The following MRI1 variants were observed in gnomAD, a reference collection of about 807,000 sequenced individuals.
The protein encoded by MRI1 is methylthioribose-1-phosphate isomerase 1.
A neutral mutation model predicts 27.3 loss-of-function variants in MRI1; 32 were observed. That is an observed-to-expected ratio of 1.17 (90% confidence interval 0.88 to 1.57). The LOEUF (loss-of-function observed/expected upper bound fraction) is 1.57, where lower values mean the gene tolerates loss of function less well. MRI1 is among the 40% of genes most tolerant of loss of function. The pLI is 0.00. For missense variants in MRI1, 508 were observed against 516.1 expected (o/e 0.98, Z 0.15); for synonymous variants, 216 against 227.4 (o/e 0.95, Z 0.45).
intron 5 of MRI1, 84 bp downstream of exon 5, chr19:13,769,132 C>T: frequency 3.5e-6 from 4 of 1,151,954 alleles, no homozygotes; most frequent in Non-Finnish European, 5.0e-6. Context: ...TGTCATCCTT[C>T]TGGAACATAC....
At chr19:13,765,778 CTT>C (rs1225177007) in intron 2 of MRI1, among the ~76,000 whole-genome samples, 174 bp from the exon 3 acceptor site, 2 of 152,226 alleles carry the variant, frequency 1.3e-5, no homozygotes, top group African/African-American at 4.8e-5. Context: ...GTAAACATGT[CTT>C]TGCATGAATG....
At position 13,769,008 on chromosome 19, in the gene MRI1, G is replaced by A. The variant is rs747027048; in HGVS notation, c.909G>A (p.Gln303=). 4 of 1,613,696 alleles carry A rather than the reference G, an allele frequency of 2.5e-6. No homozygotes were observed. Among genetic ancestry groups the A allele is most frequent in the South Asian group, 1.1e-5 (1 of 91,016 alleles). Residue 303 remains glutamine (Q), a synonymous_variant, in exon 5 of 6, where the codon CAG becomes CAA. Transcript: ENST00000040663. ...TCATTATTGAAGAGCGACCGGGCCA[G>A]GAGCTGACCGATGTTAATGGGGTCC... ...KEIIIEERPG[Q]ELTDVNGVRI...
chr19:13,770,344 G>A (rs1974243502), intron 5 of MRI1, among the ~76,000 whole-genome samples: 1 of 152,166 alleles, frequency 6.6e-6, no homozygotes, highest in Non-Finnish European at 1.5e-5. Context: ...CAACACTTTG[G>A]GAGGCGGAGG....
Position 13,765,004 on chromosome 19 carries a change from C to A in MRI1, c.266C>A (p.Ala89Asp). Residue 89 changes from alanine to aspartate, a missense_variant, in exon 2 of 6, where the codon GCC becomes GAC. By Grantham distance (126) the Ala-to-Asp change is moderately radical. Coordinates refer to ENST00000040663, the MANE Select transcript of MRI1 (RefSeq NM_001031727.4). The part of the protein sequence containing the change: ...VRDKLSFLVT[A>D]RPTAVNMARA... Reference sequence around the variant, plus strand: ...GACAAGCTGAGCTTCCTCGTCACCGCCCGGCCCACCGCTGTCAACATGGCC... The same window carrying A: ...GACAAGCTGAGCTTCCTCGTCACCGACCGGCCCACCGCTGTCAACATGGCC... 6.6e-7 allele frequency: 1 copy of A among 1,523,806 alleles called. No individual in the cohort carries two copies. The highest frequency in any genetic ancestry group is 8.8e-7 in the Non-Finnish European group (1 of 1,141,186). 94.4% of individuals were successfully genotyped at this position (1,523,806 alleles called of 1,614,324 possible).
intron 3 of MRI1, among the ~76,000 whole-genome samples, chr19:13,767,027 ATATATATATATTTTTTTTTTTTTTTTT>A (rs1285162061): frequency 1.2e-3 from 21 of 17,558 alleles, no homozygotes; most frequent in Non-Finnish European, 2.3e-3. Context: ...ATATATATAT[ATATATATATATTTTTTTTTTTTTTTTT>A]TTTTTTTTTT....
intron 3 of MRI1, among the ~76,000 whole-genome samples, chr19:13,767,051 T>A (rs1262127912): frequency 8.7e-4 from 56 of 64,576 alleles, no homozygotes; most frequent in African/African-American, 1.8e-3. Flanking sequence ...TTTTTTTTTT[T>A]TTTTTTTTTT....
Position 13,769,454 on chromosome 19 carries a change from G to A in MRI1, c.949+406G>A, listed in dbSNP as rs532812230. Reference sequence around the variant, plus strand: ...GCTAGGATTACAGGTGTGAGCCACAGCACGCCTGGCCCAAGCCACTTCTTC... The same window carrying A: ...GCTAGGATTACAGGTGTGAGCCACAACACGCCTGGCCCAAGCCACTTCTTC... On this transcript the variant is annotated intron_variant, in intron 5 of 5. Coordinates refer to ENST00000040663, the MANE Select transcript of MRI1 (RefSeq NM_001031727.4). 2.6e-5 allele frequency among the ~76,000 whole-genome samples: 4 copies of A among 152,042 alleles called. No individual in the cohort carries two copies. The East Asian group carries it at 5.8e-4, about 22-fold the overall frequency.
rs71170559 is a variant in MRI1, at chr19:13,764,725, A to AGCGGGGCGGCGGGGCGGCGGGGCG, written c.132+64_133-64dup. ...GAGGCCATCCGCGCCATGAAGGTGC[A>AGCGGGGCGGCGGGGCGGCGGGGCG]GCGGGGCGGCGGGGCGGCGGGGCGG... On this transcript the variant is annotated splice_donor_region_variant and intron_variant, in intron 1 of 5. Coordinates refer to ENST00000040663, the MANE Select transcript of MRI1 (RefSeq NM_001031727.4). 4 of 1,231,868 alleles carry AGCGGGGCGGCGGGGCGGCGGGGCG rather than the reference A, an allele frequency of 3.2e-6. No individual in the cohort carries two copies. Among genetic ancestry groups the AGCGGGGCGGCGGGGCGGCGGGGCG allele is most frequent in the Non-Finnish European group, 4.1e-6 (4 of 977,794 alleles). 76.3% of individuals were successfully genotyped at this position (1,231,868 alleles called of 1,614,324 possible). A position where few individuals can be genotyped will look rare whatever the true frequency, so the allele number is the denominator to read the frequency against.
chr19:13,770,702 G>A (rs1974251208), intron 5 of MRI1, among the ~76,000 whole-genome samples: 1 of 151,260 alleles, frequency 6.6e-6, no homozygotes, highest in African/African-American at 2.4e-5. Context: ...TGACCAACAT[G>A]GAGAAACCCT....
In MRI1 at chr19:13,765,152, T is replaced by C. The variant is rs371530153; in HGVS notation, c.371+43T>C. On this transcript the variant is annotated intron_variant, in intron 2 of 5. Transcript: ENST00000040663. ...CAGGCACGGCGCTGAGCAGGAATTATATTGACTCTTTTTAAGTACAGTGAC... is the reference window on the plus strand; with the variant it reads ...CAGGCACGGCGCTGAGCAGGAATTACATTGACTCTTTTTAAGTACAGTGAC... 15 of 1,426,532 alleles carry C rather than the reference T, an allele frequency of 1.1e-5. No homozygotes were observed. In the African/African-American group the frequency reaches 1.5e-4, roughly 14 times the overall value. The allele number at this position is 1,426,532 out of a possible 1,614,324, so 88.4% of individuals were successfully genotyped here. A position where few individuals can be genotyped will look rare whatever the true frequency, so the allele number is the denominator to read the frequency against.
chr19:13,768,782 G>A (rs755520227), intron 4 of MRI1, 42 bp from the exon 5 acceptor site: 1 of 1,592,938 alleles, frequency 6.3e-7, no homozygotes, highest in Non-Finnish European at 8.6e-7. Context: ...GGAGCATGGG[G>A]CCAGGTAATG....
At chr19:13,767,027 ATATATATATATTTTTTTTTTTT>A (rs1201045022) in intron 3 of MRI1, among the ~76,000 whole-genome samples, 257 of 17,494 alleles carry the variant, frequency 0.015, no homozygotes, top group African/African-American at 0.051. Flanking sequence ...ATATATATAT[ATATATATATATTTTTTTTTTTT>A]TTTTTTTTTT....
At position 13,764,548 on chromosome 19, in the gene MRI1, C is replaced by A. The variant is rs762391712; in HGVS notation, c.-41C>A. ...CCCCGCTCCCAAGTGCGCGCGGACC[C>A]CTAGCTCCCTCTGAGTTGCGCTGGG... On this transcript the variant is annotated 5_prime_UTR_variant, in exon 1 of 6. Transcript: ENST00000040663. The A allele has an allele frequency of 6.3e-7, 1 of 1,595,350 alleles. No individual in the cohort carries two copies. Among genetic ancestry groups the A allele is most frequent in the African/African-American group, 1.3e-5 (1 of 74,512 alleles).
rs147924371 is a variant in MRI1, at chr19:13,768,738, G to A, written c.724+1G>A. On this transcript the variant is annotated splice_donor_variant, in intron 4 of 5. Transcript: ENST00000040663. LOFTEE classifies it high-confidence loss of function. ...GCCATGGCCCATAGGGGCGTGTCAG[G>A]TAAGCAGACGGTAAGCCCTGGGGGC... 2.5e-6 allele frequency: 4 copies of A among 1,611,520 alleles called. No individual in the cohort carries two copies. The highest frequency in any genetic ancestry group is 1.3e-5 in the African/African-American group (1 of 74,892).
chr19:13,766,115 A>G lies in MRI1; in HGVS notation c.533A>G (p.Tyr178Cys), dbSNP rs768798274. 17 of 1,596,084 alleles carry G rather than the reference A, an allele frequency of 1.1e-5. No homozygotes were observed. Among genetic ancestry groups the G allele is most frequent in the African/African-American group, 8.1e-5 (6 of 74,504 alleles). Residue 178 changes from tyrosine (Y) to cysteine (C), a missense_variant, in exon 3 of 6, where the codon TAT becomes TGT. Physicochemically the swap from Tyr to Cys is radical, Grantham distance 194 (BLOSUM62 -2). This residue lies in a region of MRI1 where 457 missense variants were observed against 452.8 expected (regional missense o/e 1.01). Transcript: ENST00000040663. ...CNTGALATAG[Y>C]GTALGVIRSL... The stretch of plus-strand genomic sequence containing the variant: ...ACTGGTGCTCTGGCCACCGCTGGCT[A>G]TGGTACAGCCCTAGGTGAGAGGGCC...
At chr19:13,768,420 C>G (rs903552392) in intron 3 of MRI1, 141 bp from the exon 4 acceptor site, 18 of 1,552,296 alleles carry the variant, frequency 1.2e-5, no homozygotes, top group Non-Finnish European at 1.4e-5. Flanking sequence ...ACTGCCACTG[C>G]GAGGGCCCCT....
Position 13,764,979 on chromosome 19 carries a change from G to T in MRI1, c.241G>T (p.Asp81Tyr), listed in dbSNP as rs1974085192. The T allele has an allele frequency of 6.6e-7, 1 of 1,518,384 alleles. No homozygotes were observed. Among genetic ancestry groups the T allele is most frequent in the Non-Finnish European group, 8.8e-7 (1 of 1,139,240 alleles). 94.1% of individuals were successfully genotyped at this position (1,518,384 alleles called of 1,614,324 possible). A position where few individuals can be genotyped will look rare whatever the true frequency, so the allele number is the denominator to read the frequency against. The change falls in exon 2 of 6, where the codon GAC becomes TAC. Residue 81 changes from aspartate to tyrosine, a missense_variant. Around this residue, in one of 3 missense-constraint regions of MRI1, gnomAD observed 457 missense variants for 452.8 expected, o/e 1.01. Coordinates refer to ENST00000040663, the MANE Select transcript of MRI1 (RefSeq NM_001031727.4). ...CGCCGCGCTCGTGGCCTTCGTGCGC[G>T]ACAAGCTGAGCTTCCTCGTCACCGC... is the stretch of plus-strand genomic sequence containing the variant. ...GLAALVAFVR[D>Y]KLSFLVTARP...
chr19:13,766,099 C>G lies in MRI1; in HGVS notation c.517C>G (p.Leu173Val), dbSNP rs757207210. The G allele has an allele frequency of 2.5e-6, 4 of 1,601,780 alleles. No homozygotes were observed. In the African/African-American group the frequency reaches 4.0e-5, roughly 16 times the overall value. The change falls in exon 3 of 6, where the codon CTG becomes GTG. Residue 173 changes from leucine to valine, a missense_variant. By Grantham distance (32) the Leu-to-Val change is conservative. This residue lies in a region of MRI1 where 457 missense variants were observed against 452.8 expected (regional missense o/e 1.01). Coordinates refer to ENST00000040663, the MANE Select transcript of MRI1 (RefSeq NM_001031727.4). ...TVLTHCNTGA[L>V]ATAGYGTALG... ...GCTGACCCACTGTAACACTGGTGCTCTGGCCACCGCTGGCTATGGTACAGC... is the reference window on the plus strand; with the variant it reads ...GCTGACCCACTGTAACACTGGTGCTGTGGCCACCGCTGGCTATGGTACAGC...
intron 5 of MRI1, 86 bp downstream of exon 5, chr19:13,769,134 G>A: frequency 8.7e-7 from 1 of 1,150,678 alleles, no homozygotes. Context: ...TCATCCTTCT[G>A]GAACATACAC....
Sources: gnomAD v4.1 joint callset for allele counts (sites outside exome capture counted in the v4.1 genomes callset) on GRCh38, gnomAD v4.1.1 for gene constraint, gnomAD v4.1.1 regional missense constraint, MANE v1.5 for transcripts, NCBI Gene and HGNC (gene_info 2026-07-23, HGNC 2026-07-21) for gene names.